DIS3L2: variants seen among roughly 807,000 people sequenced by gnomAD.
The protein encoded by DIS3L2 is DIS3 like 3'-5' exoribonuclease 2.
In DIS3L2, 34 loss-of-function variants were observed where a neutral mutation model predicts 97.5. That is an observed-to-expected ratio of 0.35 (90% confidence interval 0.27 to 0.46). DIS3L2 has a LOEUF of 0.46. DIS3L2 is among the 20% of genes least tolerant of loss of function. The pLI, the probability that DIS3L2 is intolerant of heterozygous loss-of-function variation, is 1.00. For synonymous variants in DIS3L2, 435 were observed against 445.2 expected, an observed-to-expected ratio of 0.98 and a Z score of 0.29; for missense variants, 1,038 against 1,146.0, an observed-to-expected ratio of 0.91 and a Z score of 1.36.
intron 5 of DIS3L2, among the ~76,000 whole-genome samples, chr2:232,065,233 A>G: frequency 6.6e-6 from 1 of 152,070 alleles, no homozygotes; most frequent in East Asian, 1.9e-4. Context: ...GGAACTTTAT[A>G]TTCATTGACC....
chr2:232,294,624 C>A (rs1694680250), intron 13 of DIS3L2, among the ~76,000 whole-genome samples: 3 of 152,162 alleles, frequency 2.0e-5, no homozygotes, highest in Admixed American at 2.0e-4. Context: ...ACACAGCCTG[C>A]TCTCTGACCA....
At chr2:232,159,233 C>A (rs558317223) in intron 8 of DIS3L2, among the ~76,000 whole-genome samples, 1 of 152,296 alleles carries the variant, frequency 6.6e-6, no homozygotes, top group East Asian at 1.9e-4. Context: ...GAACAAGAAG[C>A]CCAACCATCA....
intron 6 of DIS3L2, chr2:232,111,356 C>G: frequency 2.3e-6 from 1 of 433,174 alleles, no homozygotes. Flanking sequence ...CATTGTTCAT[C>G]TAGTGTTTGC....
intron 14 of DIS3L2, among the ~76,000 whole-genome samples, chr2:232,318,184 A>C (rs1405680916): frequency 6.6e-6 from 1 of 152,252 alleles, no homozygotes; most frequent in Non-Finnish European, 1.5e-5. Context: ...AGCTGGGCTC[A>C]AACAAGGGTA....
intron 5 of DIS3L2, among the ~76,000 whole-genome samples, chr2:232,075,970 A>C (rs1002292755): frequency 1.3e-5 from 2 of 152,172 alleles, no homozygotes; most frequent in Non-Finnish European, 2.9e-5. Context: ...ATTCAAAGAA[A>C]CTGCTTTTCC....
chr2:232,005,170 A>ATTTTTTTTTT (rs55757645), intron 1 of DIS3L2, among the ~76,000 whole-genome samples: 92 of 126,526 alleles, frequency 7.3e-4, no homozygotes, highest in East Asian at 1.6e-3. Flanking sequence ...AAGAATCTTG[A>ATTTTTTTTTT]TTTTTTTTTT....
intron 1 of DIS3L2, among the ~76,000 whole-genome samples, chr2:232,000,647 C>CT (rs753711179): frequency 1.5e-5 from 2 of 133,424 alleles, no homozygotes; most frequent in East Asian, 2.3e-4. Flanking sequence ...CCTTTCCTTT[C>CT]CTTTCCTTTC....
chr2:231,970,414 C>T (rs1483405006), intron 1 of DIS3L2, among the ~76,000 whole-genome samples: 1 of 152,186 alleles, frequency 6.6e-6, no homozygotes, highest in African/African-American at 2.4e-5. Context: ...CTACTACACA[C>T]CTAGGCTATA....
intron 3 of DIS3L2, among the ~76,000 whole-genome samples, chr2:232,021,734 C>A (rs142657976): frequency 4.6e-4 from 70 of 152,188 alleles, no homozygotes; most frequent in African/African-American, 1.5e-3. Flanking sequence ...TTTAAAGGAT[C>A]TGGGATTTTT....
intron 6 of DIS3L2, among the ~76,000 whole-genome samples, chr2:232,118,146 A>T (rs1367272479): frequency 6.6e-6 from 1 of 152,160 alleles, no homozygotes; most frequent in Admixed American, 6.5e-5. Flanking sequence ...ATGTGGCCGC[A>T]TGCTTTATCA....
intron 8 of DIS3L2, among the ~76,000 whole-genome samples, chr2:232,142,098 G>A (rs149726544): frequency 1.2e-4 from 19 of 152,192 alleles, no homozygotes; most frequent in African/African-American, 4.3e-4. Context: ...TAGCTCTGAG[G>A]GAGAAACCAA....
rs1009706833 is a variant in DIS3L2 at position 232,293,909 on chromosome 2, A to G, written c.1660-6131A>G. Among the ~76,000 whole-genome samples, 9 of 152,232 alleles carry G rather than the reference A, an allele frequency of 5.9e-5. No homozygotes were observed. The highest frequency in any genetic ancestry group is 1.0e-4 in the Non-Finnish European group (7 of 68,046). On this transcript the variant is annotated intron_variant, in intron 13 of 20. Transcript: ENST00000325385. This position sits in a 1 kb window ranked among gnomAD's most constrained non-coding sequence, Gnocchi z 4.6. Reference sequence around the variant, plus strand: ...CATAGCCAAGGGAGTAGGAAGATACATTGTGTGTCAGTGTCCTTAGGAGAA... The same window carrying G: ...CATAGCCAAGGGAGTAGGAAGATACGTTGTGTGTCAGTGTCCTTAGGAGAA...
intron 8 of DIS3L2, among the ~76,000 whole-genome samples, chr2:232,157,521 G>A (rs150827745): frequency 2.0e-4 from 31 of 152,312 alleles, no homozygotes; most frequent in African/African-American, 5.5e-4. Flanking sequence ...TGTTGAGTGC[G>A]ATAATAGCTT....
intron 13 of DIS3L2, 125 bp from the exon 14 acceptor site, chr2:232,299,914 AG>A (rs1172729513): frequency 2.2e-6 from 2 of 893,808 alleles, no homozygotes; most frequent in Admixed American, 2.2e-5. Context: ...GGGCAGGCCC[AG>A]GTTCTCCACA....
At chr2:231,994,440 A>G (rs1176658111) in intron 1 of DIS3L2, among the ~76,000 whole-genome samples, 1 of 152,166 alleles carries the variant, frequency 6.6e-6, no homozygotes, top group African/African-American at 2.4e-5. Context: ...GCTAAGAATT[A>G]TGTTAAATGT....
chr2:231,978,264 A>G (rs1191769640), intron 1 of DIS3L2, among the ~76,000 whole-genome samples: 3 of 152,246 alleles, frequency 2.0e-5, no homozygotes, highest in Non-Finnish European at 4.4e-5. Context: ...TATCGTTGCC[A>G]TTGAAGATCT....
At chr2:232,067,337 T>A (rs1300558621) in intron 5 of DIS3L2, among the ~76,000 whole-genome samples, 1 of 152,214 alleles carries the variant, frequency 6.6e-6, no homozygotes, top group African/African-American at 2.4e-5. Context: ...GTGTTGTATT[T>A]TTATTATTCA....
intron 10 of DIS3L2, among the ~76,000 whole-genome samples, chr2:232,229,254 TC>T (rs1692728198): frequency 1.3e-5 from 2 of 152,212 alleles, no homozygotes; most frequent in South Asian, 4.1e-4. Flanking sequence ...AACCCATTGT[TC>T]CCATCACCTA....
chr2:232,141,177 T>C (rs918032260), intron 8 of DIS3L2, among the ~76,000 whole-genome samples: 7 of 151,270 alleles, frequency 4.6e-5, no homozygotes, highest in African/African-American at 1.7e-4. Flanking sequence ...TTCTCAGCCC[T>C]TTGGGAAATC....
Sources: gnomAD v4.1 joint callset for allele counts (sites outside exome capture counted in the v4.1 genomes callset) on GRCh38, gnomAD v4.1.1 for gene constraint, Gnocchi (gnomAD v3.1) non-coding constraint, MANE v1.5 for transcripts, NCBI Gene and HGNC (gene_info 2026-07-23, HGNC 2026-07-21) for gene names.